Variants in TMEM131L observed in about 807,000 individuals in gnomAD.
TMEM131L encodes the protein transmembrane protein 131-like.
Under a neutral mutation model 192.2 loss-of-function variants are expected in TMEM131L, and 54 were observed. The observed-to-expected ratio is 0.28, with a 90% CI of 0.23 to 0.35. TMEM131L has a LOEUF of 0.35. Among genes scored for constraint, TMEM131L ranks in the 10% least tolerant of loss-of-function variants. The pLI is 1.00. For synonymous variants in TMEM131L, 701 were observed against 704.9 expected (o/e 0.99, Z 0.09); for missense variants, 1,888 against 1,972.9 (o/e 0.96, Z 0.82).
chr4:153,570,655 C>G (rs536308008), intron 7 of TMEM131L, among the ~76,000 whole-genome samples: 105 of 152,246 alleles, frequency 6.9e-4, no homozygotes, highest in African/African-American at 2.4e-3. Context: ...CACTTTTGTG[C>G]TAGTGGTATG....
At chr4:153,613,222 C>T (rs766192997) in intron 26 of TMEM131L, among the ~76,000 whole-genome samples, 2 of 152,088 alleles carry the variant, frequency 1.3e-5, no homozygotes, top group African/African-American at 2.4e-5. Flanking sequence ...CAAATAAACA[C>T]GCAGATGGAA....
chr4:153,555,900 T>A lies in TMEM131L; in HGVS notation c.422T>A (p.Val141Asp). The A allele has an allele frequency of 6.4e-7, 1 of 1,551,416 alleles. No homozygotes were observed. Reference sequence around the variant, plus strand: ...GCTGGACATTTCCATGTACCGCCAGTTCCCTGCAGGGTGGGTGTTGATGGA... The same window carrying A: ...GCTGGACATTTCCATGTACCGCCAGATCCCTGCAGGGTGGGTGTTGATGGA... Reference protein sequence around the residue: ...AAAGHFHVPPVPCRVIPAMGK... With the variant: ...AAAGHFHVPPDPCRVIPAMGK... The change falls in exon 5 of 35, where the codon GTT becomes GAT. Residue 141 changes from valine (V) to aspartate (D), a missense_variant. Coordinates refer to ENST00000409959, the MANE Select transcript of TMEM131L (RefSeq NM_001131007.2). This position sits in a 1 kb window ranked among gnomAD's most constrained non-coding sequence, Gnocchi z 4.1.
At chr4:153,627,565 G>GA (rs771674450) in intron 30 of TMEM131L, 40 bp from the exon 31 acceptor site, 14 of 1,518,850 alleles carry the variant, frequency 9.2e-6, no homozygotes, top group East Asian at 9.0e-5. Context: ...TCCTCGTGCA[G>GA]AAAAAATGAG....
chr4:153,513,108 C>T (rs540630838), intron 3 of TMEM131L, among the ~76,000 whole-genome samples: 19 of 152,234 alleles, frequency 1.2e-4, no homozygotes, highest in Admixed American at 8.5e-4. Flanking sequence ...GTCAGTAGAG[C>T]TCTGGAGGTA....
At chr4:153,589,107 C>T (rs1730897762) in intron 16 of TMEM131L, 100 bp downstream of exon 16, 1 of 671,044 alleles carries the variant, frequency 1.5e-6, no homozygotes, top group Non-Finnish European at 2.7e-6. Flanking sequence ...CCCCCTCTCA[C>T]CCCACCGTAG....
Position 153,592,555 on chromosome 4 carries a change from C to G in TMEM131L, c.1893C>G (p.Pro631=). 6.2e-7 allele frequency: 1 copy of G among 1,614,034 alleles called. No individual in the cohort carries two copies. The highest frequency in any genetic ancestry group is 8.5e-7 in the Non-Finnish European group (1 of 1,179,900). ...TGCCTCTCTCCTTGTACCCTAAACC[C>G]GAAGCCCTAGTGCACCTGCTCCACA... The part of the protein sequence containing the change: ...QLLPLSLYPK[P]EALVHLLHRW... Residue 631 remains proline (P), a synonymous_variant, in exon 18 of 35, where the codon CCC becomes CCG. Coordinates refer to ENST00000409959, the MANE Select transcript of TMEM131L (RefSeq NM_001131007.2).
Position 153,621,833 on chromosome 4 carries a change from T to C in TMEM131L, c.3843T>C (p.Ala1281=). The C allele has an allele frequency of 6.2e-7, 1 of 1,614,062 alleles. No homozygotes were observed. The change falls in exon 28 of 35, where the codon GCT becomes GCC. Residue 1281 remains alanine (A), a synonymous_variant. Transcript: ENST00000409959. ...ADAEIASSLP[A]AQREAEGYYQ... is the part of the protein sequence containing the mutation. ...CCGAAATTGCAAGCAGTTTACCTGCTGCCCAGAGAGAGGCAGGTATGTAAT... is the reference window on the plus strand; with the variant it reads ...CCGAAATTGCAAGCAGTTTACCTGCCGCCCAGAGAGAGGCAGGTATGTAAT...
At chr4:153,552,914 A>G (rs894891315) in intron 4 of TMEM131L, among the ~76,000 whole-genome samples, 2 of 151,242 alleles carry the variant, frequency 1.3e-5, no homozygotes, top group Non-Finnish European at 2.9e-5. Context: ...GTTATACTGT[A>G]TCTCTTTTTT....
intron 11 of TMEM131L, 152 bp downstream of exon 11, chr4:153,583,824 A>C: frequency 1.7e-6 from 1 of 600,414 alleles, no homozygotes; most frequent in Non-Finnish European, 3.0e-6. Context: ...GTTCTAAGAT[A>C]GTATGATGTA....
In TMEM131L at chr4:153,473,836, T is replaced by G; in HGVS notation, c.196-9T>G. On this transcript the variant is annotated splice_polypyrimidine_tract_variant and intron_variant, in intron 2 of 34. Coordinates refer to ENST00000409959, the MANE Select transcript of TMEM131L (RefSeq NM_001131007.2). ...GAAACAACGGTTAACACATGTTCTT[T>G]TTCAATAGGGTGATTCTGAAGAGGG... 1 of 1,540,940 alleles carries G rather than the reference T, an allele frequency of 6.5e-7. No individual in the cohort carries two copies. The highest frequency in any genetic ancestry group is 8.8e-7 in the Non-Finnish European group (1 of 1,142,406).
At chr4:153,493,961 C>T (rs1732980217) in intron 3 of TMEM131L, among the ~76,000 whole-genome samples, 3 of 152,158 alleles carry the variant, frequency 2.0e-5, no homozygotes, top group South Asian at 4.1e-4. Context: ...ATCTGGCTGA[C>T]ACCGTTCCCT....
chr4:153,635,667 G>A (rs1445700643), intron 34 of TMEM131L, 96 bp downstream of exon 34: 95 of 1,393,096 alleles, frequency 6.8e-5, no homozygotes, highest in Non-Finnish European at 9.0e-5. Flanking sequence ...TTAGCGTTGG[G>A]TTTGGACCAG....
intron 11 of TMEM131L, 116 bp from the exon 12 acceptor site, chr4:153,584,719 T>C (rs1730585988): frequency 4.9e-6 from 3 of 617,908 alleles, no homozygotes; most frequent in Admixed American, 3.3e-5. Context: ...TGATTCACTA[T>C]TTTAATGGAG....
intron 3 of TMEM131L, among the ~76,000 whole-genome samples, chr4:153,502,988 T>C (rs1733718510): frequency 6.6e-6 from 1 of 151,892 alleles, no homozygotes. Context: ...TTTTTTCCTC[T>C]ACTCTTCCTG....
chr4:153,487,852 TGTGAGAGAGA>T (rs1169471517), intron 3 of TMEM131L, among the ~76,000 whole-genome samples: 2 of 144,932 alleles, frequency 1.4e-5, no homozygotes, highest in Non-Finnish European at 3.0e-5. Flanking sequence ...GGTGTATGTG[TGTGAGAGAGA>T]GTGAGAGAGA....
intron 3 of TMEM131L, among the ~76,000 whole-genome samples, chr4:153,502,710 T>C (rs948545585): frequency 6.6e-6 from 1 of 152,222 alleles, no homozygotes; most frequent in Non-Finnish European, 1.5e-5. Context: ...AGTCATACAT[T>C]ATTTGGGATG....
chr4:153,636,564 TG>T lies in TMEM131L; in HGVS notation c.4824del (p.Asn1609MetfsTer13). 6.2e-7 allele frequency: 1 copy of T among 1,610,682 alleles called. No individual in the cohort carries two copies. Among genetic ancestry groups the T allele is most frequent in the Non-Finnish European group, 8.5e-7 (1 of 1,177,208 alleles). ...CACTGTCTAGAGACTCGAGTTACTG[TG>T]GGAATGTGTGAAAATAATTGGATTT... ...FPLSRDSSYC[G>X]NV On this transcript the variant is annotated frameshift_variant, in exon 35 of 35. Coordinates refer to ENST00000409959, the MANE Select transcript of TMEM131L (RefSeq NM_001131007.2). LOFTEE classifies it high-confidence loss of function.
chr4:153,499,889 A>T (rs1217264428), intron 3 of TMEM131L, among the ~76,000 whole-genome samples: 3 of 152,180 alleles, frequency 2.0e-5, no homozygotes, highest in Admixed American at 6.5e-5. Context: ...TTCCACCGTC[A>T]GATCCCAGTC....
chr4:153,576,003 A>T (rs947709925), intron 7 of TMEM131L, among the ~76,000 whole-genome samples: 1 of 150,358 alleles, frequency 6.7e-6, no homozygotes, highest in African/African-American at 2.5e-5. Context: ...GCTGTTGCCC[A>T]GGTTGGAGTG....
Sources: allele counts gnomAD v4.1 joint callset (sites outside exome capture counted in the v4.1 genomes callset), GRCh38; gene constraint gnomAD v4.1.1; non-coding constraint Gnocchi (gnomAD v3.1); transcripts MANE v1.5; gene names NCBI Gene and HGNC (gene_info 2026-07-23, HGNC 2026-07-21).